The following PRICKLE2 variants were observed in gnomAD, a reference collection of about 807,000 sequenced individuals.
PRICKLE2 encodes the protein prickle-like protein 2.
PRICKLE2 carries 21 observed loss-of-function variants against 81.4 expected under a neutral mutation model. The observed-to-expected ratio is 0.26, with a 90% CI of 0.18 to 0.37. PRICKLE2 has a LOEUF of 0.37. Ranked by LOEUF, PRICKLE2 falls within the 10% of genes least tolerant of loss-of-function variation. The probability of loss-of-function intolerance (pLI) is 1.00; values close to 1 mark genes in which losing one functional copy is unlikely to be tolerated. For missense variants in PRICKLE2, 940 were observed against 1,109.0 expected, an observed-to-expected ratio of 0.85 and a Z score of 2.16; for synonymous variants, 456 against 421.5, an observed-to-expected ratio of 1.08 and a Z score of -1.00.
chr3:64,259,823 C>T lies in PRICKLE2; in HGVS notation c.129-60856G>A, dbSNP rs755974702. ...TGGATTGTTGGCAGCCACAAGAAGC[C>T]GGGACAGACTCTCTCCCAGAGACAG... On this transcript the variant is annotated intron_variant, in intron 2 of 8. Transcript: ENST00000295902. Among the ~76,000 whole-genome samples the T allele has an allele frequency of 1.4e-3, 208 of 152,042 alleles. 4 individuals carry two copies. The highest frequency in any genetic ancestry group is 4.4e-4 in the Non-Finnish European group (30 of 68,020).
intron 7 of PRICKLE2, among the ~76,000 whole-genome samples, chr3:64,121,505 C>T (rs1006011419): frequency 3.3e-5 from 5 of 150,110 alleles, no homozygotes; most frequent in East Asian, 2.0e-4. Flanking sequence ...TATTGTAACT[C>T]GGCTGTGTTC....
chr3:64,223,883 A>C (rs922155413), intron 1 of PRICKLE2, among the ~76,000 whole-genome samples: 1 of 152,178 alleles, frequency 6.6e-6, no homozygotes, highest in African/African-American at 2.4e-5. Context: ...ATTTAGTTTA[A>C]GTCTCACTGA....
chr3:64,252,697 T>C (rs1036837719), intron 2 of PRICKLE2, among the ~76,000 whole-genome samples: 1 of 152,086 alleles, frequency 6.6e-6, no homozygotes, highest in Non-Finnish European at 1.5e-5. Context: ...AAAGACTTGG[T>C]TTATGTATTT....
At position 64,094,664 on chromosome 3, in the gene PRICKLE2, C is replaced by A. The variant is rs951588897; in HGVS notation, c.*4387G>T. The A allele has an allele frequency of 1.3e-5, 2 of 152,374 alleles. No homozygotes were observed. 9.4% of individuals were successfully genotyped at this position (152,374 alleles called of 1,614,324 possible). A position where few individuals can be genotyped will look rare whatever the true frequency, so the allele number is the denominator to read the frequency against. On this transcript the variant is annotated 3_prime_UTR_variant, in exon 8 of 8. Coordinates refer to ENST00000638394, the MANE Select transcript of PRICKLE2 (RefSeq NM_198859.4). ...AAATGGAAAAAGAATCCAATTTTTT[C>A]TTGATCTTTACTTTGAGGACTACTT...
intron 7 of PRICKLE2, among the ~76,000 whole-genome samples, chr3:64,132,135 C>G (rs771551451): frequency 2.0e-5 from 3 of 152,226 alleles, no homozygotes; most frequent in Non-Finnish European, 4.4e-5. Context: ...CTTAGCTCAC[C>G]CATCACTTCA....
chr3:64,158,079 A>C (rs1394597536), intron 4 of PRICKLE2, among the ~76,000 whole-genome samples: 1 of 152,236 alleles, frequency 6.6e-6, no homozygotes, highest in Non-Finnish European at 1.5e-5. Flanking sequence ...TGGGGTTGGG[A>C]CAAAAAGAAT....
chr3:64,157,397 A>G, intron 4 of PRICKLE2, 32 bp from the exon 5 acceptor site: 6 of 1,600,404 alleles, frequency 3.7e-6, no homozygotes, highest in Non-Finnish European at 5.1e-6. Context: ...CAGTAGTCAC[A>G]CTAGCCCCCA....
intron 2 of PRICKLE2, among the ~76,000 whole-genome samples, chr3:64,239,913 G>T (rs1465708790): frequency 7.7e-6 from 1 of 129,622 alleles, no homozygotes; most frequent in African/African-American, 3.0e-5. Context: ...CCAGGAGTTT[G>T]AGACCAGCCT....
upstream of PRICKLE2, among the ~76,000 whole-genome samples, chr3:64,227,511 T>C (rs1316816692): frequency 6.6e-6 from 1 of 152,162 alleles, no homozygotes; most frequent in Admixed American, 6.6e-5. Context: ...AGAAGACAGC[T>C]GAAACATAGC....
chr3:64,118,075 CA>C (rs1163087353), intron 7 of PRICKLE2, among the ~76,000 whole-genome samples: 1 of 152,132 alleles, frequency 6.6e-6, no homozygotes, highest in Non-Finnish European at 1.5e-5. Flanking sequence ...TGATCTTAGA[CA>C]AACCTGACAA....
At chr3:64,262,122 T>C (rs1275145444) in intron 2 of PRICKLE2, among the ~76,000 whole-genome samples, 1 of 152,204 alleles carries the variant, frequency 6.6e-6, no homozygotes, top group African/African-American at 2.4e-5. Flanking sequence ...ACGCACACTC[T>C]ATCAAGATAT....
At chr3:64,221,660 G>A (rs551898359) in intron 1 of PRICKLE2, among the ~76,000 whole-genome samples, 9 of 152,278 alleles carry the variant, frequency 5.9e-5, no homozygotes, top group Admixed American at 1.3e-4. Flanking sequence ...TGGAGGGAAT[G>A]AACAGAGAAA....
At chr3:64,151,172 G>C (rs1197231174) in intron 6 of PRICKLE2, among the ~76,000 whole-genome samples, 1 of 152,210 alleles carries the variant, frequency 6.6e-6, no homozygotes, top group Non-Finnish European at 1.5e-5. Context: ...ATGGTCAGAG[G>C]TAAAGCACCC....
At chr3:64,209,114 TATTC>T (rs954681096) in intron 1 of PRICKLE2, among the ~76,000 whole-genome samples, 2 of 151,298 alleles carry the variant, frequency 1.3e-5, no homozygotes, top group Non-Finnish European at 3.0e-5. Flanking sequence ...TCCACCCATC[TATTC>T]ATTCATATCC....
intron 7 of PRICKLE2, among the ~76,000 whole-genome samples, chr3:64,133,870 C>T (rs1436864500): frequency 6.6e-6 from 1 of 152,136 alleles, no homozygotes; most frequent in Non-Finnish European, 1.5e-5. Flanking sequence ...TACAGAATCG[C>T]CAAATCTCAC....
intron 1 of PRICKLE2, among the ~76,000 whole-genome samples, chr3:64,211,709 A>T (rs2078789111): frequency 6.6e-6 from 1 of 152,340 alleles, no homozygotes; most frequent in East Asian, 1.9e-4. Context: ...TAAAACAAAG[A>T]AAGTGGTTGG....
chr3:64,256,666 C>T, intron 2 of PRICKLE2, among the ~76,000 whole-genome samples: 1 of 152,130 alleles, frequency 6.6e-6, no homozygotes, highest in East Asian at 1.9e-4. Context: ...ATATTATAAT[C>T]CTATAGAAAA....
chr3:64,173,627 G>C (rs969203004), intron 2 of PRICKLE2, among the ~76,000 whole-genome samples: 1 of 152,134 alleles, frequency 6.6e-6, no homozygotes, highest in Non-Finnish European at 1.5e-5. Context: ...CAGTATCCTT[G>C]GCAAATTCTC....
At chr3:64,179,487 A>T (rs1456753612) in intron 2 of PRICKLE2, among the ~76,000 whole-genome samples, 1 of 152,176 alleles carries the variant, frequency 6.6e-6, no homozygotes, top group Non-Finnish European at 1.5e-5. Context: ...CACCAACAAA[A>T]AGCATAGGAT....
Sources: allele counts gnomAD v4.1 joint callset (sites outside exome capture counted in the v4.1 genomes callset), GRCh38; gene constraint gnomAD v4.1.1; transcripts MANE v1.5; gene names NCBI Gene and HGNC (gene_info 2026-07-23, HGNC 2026-07-21).